Variants in BMP5 observed in about 807,000 individuals in gnomAD.
BMP5 encodes bone morphogenetic protein 5.
In BMP5, 23 loss-of-function variants were observed where a neutral mutation model predicts 46.6. The ratio of observed to expected loss-of-function variants is 0.49; its 90% CI spans 0.35 to 0.70. The LOEUF is 0.70. Among genes scored for constraint, BMP5 ranks in the 30% least tolerant of loss-of-function variants. BMP5 has a pLI of 0.00. For missense variants in BMP5, 545 were observed against 565.6 expected, an observed-to-expected ratio of 0.96 and a Z score of 0.37; for synonymous variants, 204 against 191.9, an observed-to-expected ratio of 1.06 and a Z score of -0.52.
intron 1 of BMP5, among the ~76,000 whole-genome samples, chr6:55,841,359 A>T (rs1420366667): frequency 1.3e-5 from 2 of 152,060 alleles, no homozygotes; most frequent in Non-Finnish European, 2.9e-5. Flanking sequence ...ACAGAATCTC[A>T]TTGGTCACTG....
At chr6:55,827,838 A>T (rs1776568233) in intron 1 of BMP5, among the ~76,000 whole-genome samples, 1 of 151,850 alleles carries the variant, frequency 6.6e-6, no homozygotes, top group Admixed American at 6.6e-5. Context: ...CAAATAACAG[A>T]TTTCAATGAC....
intron 3 of BMP5, among the ~76,000 whole-genome samples, chr6:55,791,498 A>C (rs1775571278): frequency 6.6e-6 from 1 of 152,236 alleles, no homozygotes; most frequent in South Asian, 2.1e-4. Context: ...CTTTTAAAGG[A>C]GTAAAACATT....
chr6:55,807,928 C>T (rs528591006), intron 2 of BMP5, among the ~76,000 whole-genome samples: 2 of 152,128 alleles, frequency 1.3e-5, no homozygotes, highest in Non-Finnish European at 2.9e-5. Flanking sequence ...GTCTGATGAT[C>T]CCTGTTGGAG....
Position 55,833,476 on chromosome 6 carries a change from A to G in BMP5, c.491-13629T>C, listed in dbSNP as rs568307130. 2.0e-5 allele frequency among the ~76,000 whole-genome samples: 3 copies of G among 152,352 alleles called. No homozygotes were observed. In the East Asian group the frequency reaches 5.8e-4, roughly 29 times the overall value. ...TGCTTTACATGTTTCCAGTTATGAC[A>G]GGCTTTATTCTTTTTCGGCTTTTGA... is the stretch of plus-strand genomic sequence containing the variant. On this transcript the variant is annotated intron_variant, in intron 1 of 6. Coordinates refer to ENST00000370830, the MANE Select transcript of BMP5 (RefSeq NM_021073.4).
chr6:55,841,291 T>C (rs1456624106), intron 1 of BMP5, among the ~76,000 whole-genome samples: 1 of 152,162 alleles, frequency 6.6e-6, no homozygotes, highest in African/African-American at 2.4e-5. Context: ...TTTTTTCTAC[T>C]TATTTATTTT....
rs951438623 is a variant in BMP5 at position 55,772,700 on chromosome 6, A to G, written c.1027+1349T>C. The stretch of plus-strand genomic sequence containing the variant: ...TAATAAGGCACTAGTGTCATGCTTT[A>G]CTAAAAGTGGTTAAATTTCTTTGTT... On this transcript the variant is annotated intron_variant, in intron 4 of 6. Coordinates refer to ENST00000370830, the MANE Select transcript of BMP5 (RefSeq NM_021073.4). The G allele has an allele frequency of 5.3e-6, 5 of 945,976 alleles. No individual in the cohort carries two copies. The African/African-American group carries it at 8.9e-5, about 17-fold the overall frequency. The allele number at this position is 945,976 out of a possible 1,614,324, so 58.6% of individuals were successfully genotyped here.
chr6:55,872,512 ATG>A (rs1777809674), intron 1 of BMP5, among the ~76,000 whole-genome samples: 1 of 151,692 alleles, frequency 6.6e-6, no homozygotes. Context: ...TTATTTTTAA[ATG>A]TGTTTCTCAA....
intron 4 of BMP5, among the ~76,000 whole-genome samples, chr6:55,762,009 A>G (rs1774795393): frequency 6.6e-6 from 1 of 152,112 alleles, no homozygotes; most frequent in African/African-American, 2.4e-5. Context: ...CTATCATTAC[A>G]TATTTTGGAA....
At chr6:55,772,793 A>G (rs991728690) in intron 4 of BMP5, 1 of 985,014 alleles carries the variant, frequency 1.0e-6, no homozygotes, top group Non-Finnish European at 1.2e-6. Context: ...TCCATACAGA[A>G]ATCTTCCCTC....
intron 4 of BMP5, among the ~76,000 whole-genome samples, chr6:55,772,485 T>A (rs1403382476): frequency 6.6e-6 from 1 of 151,930 alleles, no homozygotes; most frequent in African/African-American, 2.4e-5. Context: ...GTCTGCTACA[T>A]TAAATTAAAA....
In BMP5 at chr6:55,781,559, T is replaced by C. The variant is rs537115944; in HGVS notation, c.833-7316A>G. ...AAACTTAGTTACTTGGGAAACTTAC[T>C]GAGTATCTAAAGGAGATACTCTTTT... On this transcript the variant is annotated intron_variant, in intron 3 of 6. Coordinates refer to ENST00000370830, the MANE Select transcript of BMP5 (RefSeq NM_021073.4). 2.0e-5 allele frequency among the ~76,000 whole-genome samples: 3 copies of C among 152,168 alleles called. No homozygotes were observed. In the South Asian group the frequency reaches 6.2e-4, roughly 32 times the overall value.
intron 4 of BMP5, among the ~76,000 whole-genome samples, chr6:55,762,822 G>T (rs1774819689): frequency 6.6e-6 from 1 of 151,998 alleles, no homozygotes; most frequent in African/African-American, 2.4e-5. Context: ...TTTTTTTAAA[G>T]AAACTGATAG....
chr6:55,764,747 A>G (rs889826451), intron 4 of BMP5, among the ~76,000 whole-genome samples: 1 of 151,556 alleles, frequency 6.6e-6, no homozygotes, highest in Non-Finnish European at 1.5e-5. Context: ...TCTCCTGAAG[A>G]TAGGTAGAGA....
intron 4 of BMP5, among the ~76,000 whole-genome samples, chr6:55,773,496 T>G (rs1160935443): frequency 6.0e-5 from 1 of 16,794 alleles, no homozygotes; most frequent in Non-Finnish European, 1.0e-4. Context: ...GTTGAAAGAC[T>G]GTGTGTGTGT....
At chr6:55,790,801 C>T (rs994026118) in intron 3 of BMP5, among the ~76,000 whole-genome samples, 1 of 152,178 alleles carries the variant, frequency 6.6e-6, no homozygotes, top group African/African-American at 2.4e-5. Flanking sequence ...CCACCGCTAC[C>T]ATGGCTCTTT....
chr6:55,852,455 T>C lies in BMP5; in HGVS notation c.490+21921A>G, dbSNP rs191966374. On this transcript the variant is annotated intron_variant, in intron 1 of 6. Coordinates refer to ENST00000370830, the MANE Select transcript of BMP5 (RefSeq NM_021073.4). The stretch of plus-strand genomic sequence containing the variant: ...ATATAAAATTTAGTCATGAAAATCT[T>C]ACATGTTCTTGTTAAGAATTCCAAT... Among the ~76,000 whole-genome samples, 255 of 152,280 alleles carry C rather than the reference T, an allele frequency of 1.7e-3. 1 individual carries two copies. The highest frequency in any genetic ancestry group is 5.9e-3 in the African/African-American group (247 of 41,596).
intron 1 of BMP5, among the ~76,000 whole-genome samples, chr6:55,851,269 T>C (rs550599862): frequency 2.0e-5 from 3 of 151,926 alleles, no homozygotes; most frequent in Middle Eastern, 3.4e-3. Context: ...CAGTGGATGA[T>C]TGCGCTTTAA....
chr6:55,820,706 C>T (rs570733173), intron 1 of BMP5, among the ~76,000 whole-genome samples: 2 of 151,164 alleles, frequency 1.3e-5, no homozygotes, highest in African/African-American at 4.9e-5. Flanking sequence ...GCATGAGCTA[C>T]TCTGCCCCGT....
At chr6:55,785,604 T>G (rs935579851) in intron 3 of BMP5, among the ~76,000 whole-genome samples, 3 of 151,854 alleles carry the variant, frequency 2.0e-5, no homozygotes, top group African/African-American at 7.2e-5. Flanking sequence ...CATATTTATT[T>G]TCAGTAGAAA....
Sources: gnomAD v4.1 joint callset for allele counts (sites outside exome capture counted in the v4.1 genomes callset) on GRCh38, gnomAD v4.1.1 for gene constraint, MANE v1.5 for transcripts, NCBI Gene and HGNC (gene_info 2026-07-23, HGNC 2026-07-21) for gene names.